NCAM2: variants seen among roughly 807,000 people sequenced by gnomAD.
The protein encoded by NCAM2 is N-CAM-2.
Under a neutral mutation model 98.1 loss-of-function variants are expected in NCAM2, and 30 were observed. The observed-to-expected ratio is 0.31, with a 90% CI of 0.23 to 0.41. The LOEUF is 0.41. Among genes scored for constraint, NCAM2 ranks in the 10% least tolerant of loss-of-function variants. The pLI is 1.00. For missense variants in NCAM2, 867 were observed against 1,005.8 expected, an observed-to-expected ratio of 0.86 and a Z score of 1.87; for synonymous variants, 368 against 342.4, an observed-to-expected ratio of 1.07 and a Z score of -0.83.
intron 1 of NCAM2, among the ~76,000 whole-genome samples, chr21:21,097,801 G>T (rs967654310): frequency 6.6e-6 from 1 of 150,848 alleles, no homozygotes; most frequent in Admixed American, 6.6e-5. Context: ...CAATTGATAA[G>T]CTGGATAAAA....
At chr21:21,016,339 A>C (rs766272834) in intron 1 of NCAM2, among the ~76,000 whole-genome samples, 13 of 152,192 alleles carry the variant, frequency 8.5e-5, no homozygotes, top group Non-Finnish European at 1.3e-4. Flanking sequence ...AATGCAAACA[A>C]TATCAAAGCC....
chr21:21,496,050 TTAAC>T (rs543625009), intron 15 of NCAM2, among the ~76,000 whole-genome samples: 22 of 149,872 alleles, frequency 1.5e-4, no homozygotes, highest in Non-Finnish European at 3.0e-4. Context: ...AACATGCCCT[TTAAC>T]AAAGTACAGC....
chr21:21,257,443 C>T (rs548337142), intron 1 of NCAM2, among the ~76,000 whole-genome samples: 16 of 152,252 alleles, frequency 1.1e-4, no homozygotes, highest in Middle Eastern at 6.8e-3. Flanking sequence ...CATTAGAGCA[C>T]GTTGTTTTAT....
intron 15 of NCAM2, among the ~76,000 whole-genome samples, chr21:21,503,394 C>T (rs1987761984): frequency 6.6e-6 from 1 of 151,796 alleles, no homozygotes; most frequent in Non-Finnish European, 1.5e-5. Context: ...AGGGCTGAAA[C>T]AGCTCCTAAG....
chr21:21,140,534 T>C (rs931456616), intron 1 of NCAM2, among the ~76,000 whole-genome samples: 4 of 152,154 alleles, frequency 2.6e-5, no homozygotes, highest in African/African-American at 9.7e-5. Context: ...ATGAAATAAA[T>C]ATAAATCTTA....
intron 1 of NCAM2, among the ~76,000 whole-genome samples, chr21:21,262,640 C>T (rs1363810777): frequency 2.6e-5 from 3 of 113,218 alleles, no homozygotes; most frequent in East Asian, 2.4e-4. Context: ...AGTGGAAGAC[C>T]TAGCCAGAAC....
intron 16 of NCAM2, among the ~76,000 whole-genome samples, chr21:21,527,239 G>T (rs1602563491): frequency 6.6e-6 from 1 of 151,726 alleles, no homozygotes; most frequent in East Asian, 1.9e-4. Context: ...AACTTCCTGA[G>T]TAGCTGGGAT....
At chr21:21,384,157 C>A (rs1020589724) in intron 9 of NCAM2, among the ~76,000 whole-genome samples, 1 of 151,764 alleles carries the variant, frequency 6.6e-6, no homozygotes, top group African/African-American at 2.4e-5. Context: ...TAAATAGTAT[C>A]CTTTAACTAT....
intron 10 of NCAM2, among the ~76,000 whole-genome samples, chr21:21,411,757 T>C (rs901478820): frequency 1.3e-5 from 2 of 152,178 alleles, no homozygotes; most frequent in African/African-American, 4.8e-5. Context: ...CTGCCTTAAC[T>C]TAAAATGTCC....
At chr21:21,526,534 G>T (rs1232602763) in intron 16 of NCAM2, among the ~76,000 whole-genome samples, 2 of 152,018 alleles carry the variant, frequency 1.3e-5, no homozygotes, top group Non-Finnish European at 2.9e-5. Context: ...ACTCAATATG[G>T]ACAAGACATC....
intron 1 of NCAM2, among the ~76,000 whole-genome samples, chr21:21,044,630 T>C (rs985605827): frequency 1.3e-5 from 2 of 152,158 alleles, no homozygotes; most frequent in Non-Finnish European, 2.9e-5. Flanking sequence ...AAAAGAATTA[T>C]GTTCTGTAAA....
intron 14 of NCAM2, among the ~76,000 whole-genome samples, chr21:21,471,797 C>T (rs1180007087): frequency 2.0e-5 from 3 of 152,010 alleles, no homozygotes; most frequent in Non-Finnish European, 4.4e-5. Context: ...AACCAGGAAA[C>T]ACCATTATTC....
At chr21:21,105,946 A>G (rs191054690) in intron 1 of NCAM2, among the ~76,000 whole-genome samples, 7 of 152,286 alleles carry the variant, frequency 4.6e-5, no homozygotes, top group African/African-American at 1.7e-4. Flanking sequence ...ATGGCATAAT[A>G]TATAAAATAC....
intron 9 of NCAM2, among the ~76,000 whole-genome samples, chr21:21,405,651 G>A (rs1329125487): frequency 6.6e-6 from 1 of 151,950 alleles, no homozygotes; most frequent in Non-Finnish European, 1.5e-5. Context: ...TATGATCAAG[G>A]GCAAAAGTTC....
intron 1 of NCAM2, among the ~76,000 whole-genome samples, chr21:21,205,367 G>C (rs1046041123): frequency 1.3e-5 from 2 of 152,056 alleles, no homozygotes; most frequent in African/African-American, 2.4e-5. Context: ...ATACTACTGC[G>C]TACCAGTGGA....
intron 15 of NCAM2, among the ~76,000 whole-genome samples, chr21:21,480,445 C>T (rs1004155790): frequency 6.7e-6 from 1 of 149,130 alleles, no homozygotes; most frequent in Non-Finnish European, 1.5e-5. Flanking sequence ...AGGAAACATG[C>T]AGGAATGAAC....
intron 1 of NCAM2, among the ~76,000 whole-genome samples, chr21:21,123,852 T>TTTTTTTTC (rs1311535284): frequency 7.8e-6 from 1 of 127,602 alleles, no homozygotes; most frequent in African/African-American, 2.9e-5. Flanking sequence ...TGATTGCTTT[T>TTTTTTTTC]TTTTTTTTTT....
chr21:21,287,883 A>G (rs995049662), intron 4 of NCAM2, among the ~76,000 whole-genome samples: 2 of 151,762 alleles, frequency 1.3e-5, no homozygotes, highest in African/African-American at 4.8e-5. Context: ...CCTAAATCAG[A>G]CTCTTTATCT....
At chr21:21,243,657 G>T (rs1311596151) in intron 1 of NCAM2, among the ~76,000 whole-genome samples, 1 of 152,128 alleles carries the variant, frequency 6.6e-6, no homozygotes, top group East Asian at 1.9e-4. Flanking sequence ...AGAAACCTGA[G>T]ACTATTCCTC....
Sources: allele counts gnomAD v4.1 joint callset (sites outside exome capture counted in the v4.1 genomes callset), GRCh38; gene constraint gnomAD v4.1.1; transcripts MANE v1.5; gene names NCBI Gene and HGNC (gene_info 2026-07-23, HGNC 2026-07-21).